EYS: variants seen among roughly 807,000 people sequenced by gnomAD.
The protein encoded by EYS is protein eyes shut homolog.
In EYS, 250 loss-of-function variants were observed where a neutral mutation model predicts 282.1. The ratio of observed to expected loss-of-function variants is 0.89; its 90% CI spans 0.80 to 0.98. The LOEUF is 0.98. Among genes scored for constraint, EYS ranks in the 50% least tolerant of loss-of-function variants. The pLI is 0.00. For synonymous variants in EYS, 1,355 were observed against 1,282.9 expected, an observed-to-expected ratio of 1.06 and a Z score of -1.20; for missense variants, 4,016 against 3,709.0, an observed-to-expected ratio of 1.08 and a Z score of -2.15.
At chr6:64,032,799 T>C (rs909746363) in intron 33 of EYS, among the ~76,000 whole-genome samples, 5 of 152,232 alleles carry the variant, frequency 3.3e-5, no homozygotes, top group African/African-American at 7.2e-5. Flanking sequence ...CATGAGGCTA[T>C]ACAGAACTTT....
intron 8 of EYS, among the ~76,000 whole-genome samples, chr6:65,371,366 C>T (rs774978775): frequency 9.2e-5 from 14 of 151,462 alleles, no homozygotes; most frequent in Admixed American, 8.8e-4. Context: ...TCCCTAGTAC[C>T]AACACTCCAC....
At chr6:64,221,100 A>G (rs927016642) in intron 31 of EYS, among the ~76,000 whole-genome samples, 2 of 152,206 alleles carry the variant, frequency 1.3e-5, no homozygotes, top group Non-Finnish European at 2.9e-5. Context: ...GAGAAAATGC[A>G]TGAAAAGAGT....
Position 65,511,779 on chromosome 6 carries a change from G to C in EYS, c.-332-15786C>G, listed in dbSNP as rs374464865. ...ACCAGCCTGGTCAACATGGCAAAAA[G>C]TCATCTCTACTAAAAATACACAAAC... is the stretch of plus-strand genomic sequence containing the variant. On this transcript the variant is annotated intron_variant, in intron 2 of 42. Coordinates refer to ENST00000503581, the MANE Select transcript of EYS (RefSeq NM_001142800.2). 2.0e-5 allele frequency among the ~76,000 whole-genome samples: 3 copies of C among 151,888 alleles called. No individual in the cohort carries two copies. The East Asian group carries it at 5.8e-4, about 30-fold the overall frequency.
At chr6:63,750,383 A>G (rs1457244050) in intron 41 of EYS, among the ~76,000 whole-genome samples, 1 of 152,146 alleles carries the variant, frequency 6.6e-6, no homozygotes. Context: ...CAGTTTTTAT[A>G]TTCTGACTTT....
intron 5 of EYS, among the ~76,000 whole-genome samples, chr6:65,480,343 A>G (rs1765563381): frequency 6.6e-6 from 1 of 152,272 alleles, no homozygotes; most frequent in South Asian, 2.1e-4. Flanking sequence ...TTGGCTTTCA[A>G]TGACTACAGG....
At chr6:65,575,735 A>G (rs1764641363) in intron 2 of EYS, among the ~76,000 whole-genome samples, 1 of 152,052 alleles carries the variant, frequency 6.6e-6, no homozygotes, top group Non-Finnish European at 1.5e-5. Flanking sequence ...ACTCAAATAT[A>G]TGAAACCAGA....
intron 12 of EYS, among the ~76,000 whole-genome samples, chr6:65,268,464 C>G (rs924242214): frequency 6.6e-6 from 1 of 151,782 alleles, no homozygotes; most frequent in African/African-American, 2.4e-5. Flanking sequence ...CCCTTTTTCC[C>G]TACTCCATAA....
chr6:64,386,351 C>A (rs1452513421), intron 29 of EYS, among the ~76,000 whole-genome samples: 1 of 152,162 alleles, frequency 6.6e-6, no homozygotes, highest in Non-Finnish European at 1.5e-5. Context: ...TGAGGCCTCA[C>A]AATCACAGTG....
chr6:63,922,085 CAAG>C (rs2149744304), intron 35 of EYS, among the ~76,000 whole-genome samples: 1 of 152,244 alleles, frequency 6.6e-6, no homozygotes, highest in South Asian at 2.1e-4. Context: ...CTCTGTAAAA[CAAG>C]AAGAGAGTCC....
chr6:64,789,684 A>T (rs111511960), intron 22 of EYS, among the ~76,000 whole-genome samples: 1 of 151,904 alleles, frequency 6.6e-6, no homozygotes, highest in Non-Finnish European at 1.5e-5. Context: ...CCTGTACACC[A>T]CTTCCTGTGC....
intron 8 of EYS, among the ~76,000 whole-genome samples, chr6:65,354,034 AGTT>A (rs1241875834): frequency 1.3e-5 from 2 of 152,172 alleles, no homozygotes; most frequent in Non-Finnish European, 2.9e-5. Flanking sequence ...ATTTGAAAAT[AGTT>A]GAAGATAATC....
chr6:64,152,850 A>G (rs1396967369), intron 31 of EYS, among the ~76,000 whole-genome samples: 2 of 152,184 alleles, frequency 1.3e-5, no homozygotes, highest in Non-Finnish European at 2.9e-5. Flanking sequence ...GAGAAAATTT[A>G]TCTAAAATAG....
At chr6:65,229,561 T>C (rs1303818992) in intron 12 of EYS, among the ~76,000 whole-genome samples, 1 of 151,616 alleles carries the variant, frequency 6.6e-6, no homozygotes, top group Non-Finnish European at 1.5e-5. Context: ...TTCGGGAAAT[T>C]AGACAGAAAG....
At chr6:64,707,417 C>T (rs1771061324) in intron 22 of EYS, among the ~76,000 whole-genome samples, 1 of 152,046 alleles carries the variant, frequency 6.6e-6, no homozygotes, top group Non-Finnish European at 1.5e-5. Flanking sequence ...CGCCTGTAAT[C>T]CCAGCACTTT....
intron 31 of EYS, among the ~76,000 whole-genome samples, chr6:64,168,165 G>T (rs192478835): frequency 6.6e-6 from 1 of 152,298 alleles, no homozygotes; most frequent in East Asian, 1.9e-4. Flanking sequence ...GGACGCTGAG[G>T]CAGGAGAATG....
At chr6:64,276,098 C>T (rs1284274824) in intron 30 of EYS, among the ~76,000 whole-genome samples, 1 of 152,014 alleles carries the variant, frequency 6.6e-6, no homozygotes, top group African/African-American at 2.4e-5. Flanking sequence ...TAGGTATTTT[C>T]TTTCCTTCTG....
At chr6:64,662,290 G>A (rs907493275) in intron 22 of EYS, among the ~76,000 whole-genome samples, 1 of 151,076 alleles carries the variant, frequency 6.6e-6, no homozygotes, top group Non-Finnish European at 1.5e-5. Context: ...GTTAAATGAC[G>A]AGTTACTGGG....
chr6:65,524,543 C>T (rs1241656840), intron 2 of EYS, among the ~76,000 whole-genome samples: 1 of 152,174 alleles, frequency 6.6e-6, no homozygotes, highest in Non-Finnish European at 1.5e-5. Flanking sequence ...ATGTTGCCAC[C>T]TAGCTGGTAC....
intron 11 of EYS, among the ~76,000 whole-genome samples, chr6:65,317,542 C>T (rs1181903949): frequency 6.6e-6 from 1 of 152,172 alleles, no homozygotes; most frequent in African/African-American, 2.4e-5. Flanking sequence ...TACTCCAACA[C>T]TTAGTGGCTT....
Sources: gnomAD v4.1 joint callset for allele counts (sites outside exome capture counted in the v4.1 genomes callset) on GRCh38, gnomAD v4.1.1 for gene constraint, MANE v1.5 for transcripts, NCBI Gene and HGNC (gene_info 2026-07-23, HGNC 2026-07-21) for gene names.